The following PLCXD3 variants were observed in gnomAD, a reference collection of about 807,000 sequenced individuals.
The protein encoded by PLCXD3 is PI-PLC X domain-containing protein 3.
In PLCXD3, 19 loss-of-function variants were observed where a neutral mutation model predicts 25.5. The ratio of observed to expected loss-of-function variants is 0.75; its 90% CI spans 0.52 to 1.09. The LOEUF is 1.09. Ranked by LOEUF, PLCXD3 falls within the 50% of genes least tolerant of loss-of-function variation. PLCXD3 has a pLI of 0.00. For synonymous variants in PLCXD3, 174 were observed against 137.6 expected, an observed-to-expected ratio of 1.26 and a Z score of -1.85; for missense variants, 411 against 388.1, an observed-to-expected ratio of 1.06 and a Z score of -0.50.
At chr5:41,433,720 T>C (rs944859068) in intron 1 of PLCXD3, among the ~76,000 whole-genome samples, 3 of 152,266 alleles carry the variant, frequency 2.0e-5, no homozygotes, top group Non-Finnish European at 1.5e-5. Context: ...AGTGCATGGA[T>C]GCAGCCTTGC....
At chr5:41,335,797 T>C (rs936726083) in intron 2 of PLCXD3, among the ~76,000 whole-genome samples, 7 of 152,112 alleles carry the variant, frequency 4.6e-5, no homozygotes, top group Non-Finnish European at 8.8e-5. Context: ...GTTCCAGAAT[T>C]ACTTGAAATC....
chr5:41,360,896 C>T (rs961684494), intron 2 of PLCXD3, among the ~76,000 whole-genome samples: 1 of 152,166 alleles, frequency 6.6e-6, no homozygotes, highest in Non-Finnish European at 1.5e-5. Context: ...AAGGAGTTTG[C>T]AAACTCACCT....
intron 1 of PLCXD3, among the ~76,000 whole-genome samples, chr5:41,406,035 G>A (rs1290246661): frequency 3.3e-5 from 5 of 151,978 alleles, no homozygotes; most frequent in Middle Eastern, 3.2e-3. Flanking sequence ...AAGCAAATAC[G>A]TGAATCCTGC....
In PLCXD3 at chr5:41,504,382, C is replaced by G. The variant is rs79096431; in HGVS notation, c.103+6042G>C. The stretch of plus-strand genomic sequence containing the variant: ...GTCCCACATATTTTCCTCTGCCCAG[C>G]CACATAAAATCATACCTTAGTCCCC... On this transcript the variant is annotated intron_variant, in intron 1 of 2. Coordinates refer to ENST00000377801, the MANE Select transcript of PLCXD3 (RefSeq NM_001005473.3). Among the ~76,000 whole-genome samples, 1,139 of 152,266 alleles carry G rather than the reference C, an allele frequency of 7.5e-3. 5 individuals are homozygous for G. The highest frequency in any genetic ancestry group is 0.014 in the Middle Eastern group (4 of 294).
At chr5:41,428,391 T>G (rs1242109125) in intron 1 of PLCXD3, among the ~76,000 whole-genome samples, 2 of 144,162 alleles carry the variant, frequency 1.4e-5, no homozygotes, top group Non-Finnish European at 3.0e-5. Context: ...TGTTTTTGTT[T>G]TTGTTTTTTT....
chr5:41,335,409 T>C (rs1743950401), intron 2 of PLCXD3, among the ~76,000 whole-genome samples: 1 of 152,096 alleles, frequency 6.6e-6, no homozygotes, highest in Middle Eastern at 3.2e-3. Flanking sequence ...ACAAATCAAT[T>C]ACCCTTAATC....
chr5:41,392,558 C>A (rs77022609), intron 1 of PLCXD3, among the ~76,000 whole-genome samples: 1 of 152,054 alleles, frequency 6.6e-6, no homozygotes, highest in African/African-American at 2.4e-5. Context: ...CAAGTCCTTT[C>A]GAGTATCTGG....
chr5:41,501,588 A>G (rs968066198), intron 1 of PLCXD3, among the ~76,000 whole-genome samples: 2 of 152,034 alleles, frequency 1.3e-5, no homozygotes, highest in Non-Finnish European at 2.9e-5. Flanking sequence ...TTAGTCATGC[A>G]AGATGAAAAA....
intron 1 of PLCXD3, among the ~76,000 whole-genome samples, chr5:41,432,843 C>G (rs542955368): frequency 6.6e-6 from 1 of 152,280 alleles, no homozygotes; most frequent in East Asian, 1.9e-4. Flanking sequence ...TTGAACTGAC[C>G]TATTTACAGG....
At chr5:41,478,713 C>G (rs1748332559) in intron 1 of PLCXD3, among the ~76,000 whole-genome samples, 1 of 152,146 alleles carries the variant, frequency 6.6e-6, no homozygotes, top group Admixed American at 6.6e-5. Context: ...AGTCTATTAT[C>G]TTACTGCTAT....
chr5:41,394,993 A>C (rs568662721), intron 1 of PLCXD3, among the ~76,000 whole-genome samples: 1 of 152,268 alleles, frequency 6.6e-6, no homozygotes, highest in South Asian at 2.1e-4. Flanking sequence ...TATTTACAGA[A>C]AATTTTATCC....
intron 1 of PLCXD3, among the ~76,000 whole-genome samples, chr5:41,498,965 T>TA (rs919524739): frequency 6.6e-6 from 1 of 151,620 alleles, no homozygotes; most frequent in Non-Finnish European, 1.5e-5. Flanking sequence ...CTTTTCATGA[T>TA]AAAAAACGCT....
intron 2 of PLCXD3, among the ~76,000 whole-genome samples, chr5:41,330,981 C>T (rs942740153): frequency 6.6e-6 from 1 of 152,076 alleles, no homozygotes; most frequent in African/African-American, 2.4e-5. Context: ...AAAGCCACAG[C>T]CAATATCATA....
At chr5:41,482,087 A>G (rs1328730333) in intron 1 of PLCXD3, among the ~76,000 whole-genome samples, 1 of 152,142 alleles carries the variant, frequency 6.6e-6, no homozygotes, top group Non-Finnish European at 1.5e-5. Context: ...TTTTTAACCT[A>G]GAACTCAGAT....
At chr5:41,380,488 A>G (rs890149410) in intron 2 of PLCXD3, among the ~76,000 whole-genome samples, 5 of 152,054 alleles carry the variant, frequency 3.3e-5, no homozygotes, top group African/African-American at 1.2e-4. Flanking sequence ...AAGTCATGCT[A>G]CTTTTAAAGT....
intron 1 of PLCXD3, among the ~76,000 whole-genome samples, chr5:41,448,067 T>A (rs1187040918): frequency 6.6e-6 from 1 of 152,184 alleles, no homozygotes; most frequent in Non-Finnish European, 1.5e-5. Flanking sequence ...ACTGAAAGCC[T>A]CATAACAGCT....
intron 2 of PLCXD3, among the ~76,000 whole-genome samples, chr5:41,317,992 T>C (rs539759660): frequency 1.3e-5 from 2 of 152,032 alleles, no homozygotes; most frequent in South Asian, 2.1e-4. Flanking sequence ...TAGAGAAAGA[T>C]ATTAATATCC....
intron 1 of PLCXD3, among the ~76,000 whole-genome samples, chr5:41,473,934 A>T (rs1748227145): frequency 6.6e-6 from 1 of 152,166 alleles, no homozygotes. Flanking sequence ...TCCTCTTTTT[A>T]AATTTCAAAC....
At chr5:41,454,477 G>A (rs1193786803) in intron 1 of PLCXD3, among the ~76,000 whole-genome samples, 1 of 151,926 alleles carries the variant, frequency 6.6e-6, no homozygotes, top group Admixed American at 6.6e-5. Context: ...TCTTTTATAA[G>A]AGTGCTAATC....
Sources: allele counts gnomAD v4.1 joint callset (sites outside exome capture counted in the v4.1 genomes callset), GRCh38; gene constraint gnomAD v4.1.1; transcripts MANE v1.5; gene names NCBI Gene and HGNC (gene_info 2026-07-23, HGNC 2026-07-21).